The following KLK13 variants were observed in gnomAD, a reference collection of about 807,000 sequenced individuals.
KLK13 encodes kallikrein-13.
In KLK13, 19 loss-of-function variants were observed where a neutral mutation model predicts 22.4. That is an observed-to-expected ratio of 0.85 (90% CI 0.59 to 1.24). KLK13 has a LOEUF of 1.24. KLK13 is among the 50% of genes most tolerant of loss of function. The pLI, the probability that KLK13 is intolerant of heterozygous loss-of-function variation, is 0.00. For missense variants in KLK13, 311 were observed against 347.9 expected, an observed-to-expected ratio of 0.89 and a Z score of 0.84; for synonymous variants, 156 against 141.8, an observed-to-expected ratio of 1.10 and a Z score of -0.71.
chr19:51,062,049 G>C (rs950468447), intron 1 of KLK13, among the ~76,000 whole-genome samples: 3 of 152,128 alleles, frequency 2.0e-5, no homozygotes, highest in African/African-American at 7.2e-5. Context: ...GTAGCCACTA[G>C]CTACATGTGG....
rs147145797 is a variant in KLK13 at position 51,056,723 on chromosome 19, G to C, written c.698C>G (p.Ser233Cys). Residue 233 changes from serine to cysteine, a missense_variant, in exon 5 of 5, where the codon TCC becomes TGC. Ser to Cys is a moderately radical substitution (Grantham distance 112, BLOSUM62 -1). Transcript: ENST00000595793. ...VCNRTLYGIV[S>C]WGDFPCGQPD... The stretch of plus-strand genomic sequence containing the variant: ...TTGCCCACATGGGAAGTCTCCCCAG[G>C]AGACGATGCCATACAGTGTTCTGTT... 6.2e-7 allele frequency: 1 copy of C among 1,614,204 alleles called. No individual in the cohort carries two copies. The highest frequency in any genetic ancestry group is 1.1e-5 in the South Asian group (1 of 91,088).
At chr19:51,062,220 T>G (rs1057104303) in intron 1 of KLK13, among the ~76,000 whole-genome samples, 2 of 152,170 alleles carry the variant, frequency 1.3e-5, no homozygotes, top group African/African-American at 4.8e-5. Flanking sequence ...TATGGAATAT[T>G]CTACTGGATG....
At chr19:51,065,560 T>TC (rs1168681749), upstream of KLK13, among the ~76,000 whole-genome samples, 1 of 152,042 alleles carries the variant, frequency 6.6e-6, no homozygotes, top group Non-Finnish European at 1.5e-5. Context: ...CCTTCTGCTT[T>TC]CCCCATCCTT....
rs140466087 is a variant in KLK13, at chr19:51,060,338, C to T, written c.239+95G>A. On this transcript the variant is annotated intron_variant, in intron 2 of 4. Transcript: ENST00000595793. ...CTCACTCCCATGTCCATCCCCAACC[C>T]TAACTCCAACTCCATCCTCAAATCC... 7.9e-4 allele frequency: 1,057 copies of T among 1,344,130 alleles called. 2 individuals are homozygous for T. Among genetic ancestry groups the T allele is most frequent in the Middle Eastern group, 2.3e-3 (9 of 3,996 alleles). 83.3% of individuals were successfully genotyped at this position (1,344,130 alleles called of 1,614,324 possible).
chr19:51,065,226 C>A, upstream of KLK13: 3 of 521,262 alleles, frequency 5.8e-6, no homozygotes, highest in Non-Finnish European at 6.7e-6. Flanking sequence ...CTGGAATCTG[C>A]CCCCCGCCTC....
At chr19:51,063,300 T>C (rs1311819183) in intron 1 of KLK13, among the ~76,000 whole-genome samples, 1 of 152,220 alleles carries the variant, frequency 6.6e-6, no homozygotes, top group Non-Finnish European at 1.5e-5. Flanking sequence ...TTCCTTACCT[T>C]CTATTTATGA....
At chr19:51,063,952 A>G (rs562060173) in intron 1 of KLK13, 27 of 417,392 alleles carry the variant, frequency 6.5e-5, no homozygotes, top group African/African-American at 5.1e-4. Context: ...TGCTGAGAGC[A>G]GGGACTGTGT....
chr19:51,058,448 G>T, intron 4 of KLK13, 90 bp downstream of exon 4: 1 of 1,498,890 alleles, frequency 6.7e-7, no homozygotes, highest in Non-Finnish European at 9.2e-7. Context: ...GTTCCCCTAA[G>T]GCTGGAAACA....
At chr19:51,063,765 G>T in intron 1 of KLK13, 1 of 458,750 alleles carries the variant, frequency 2.2e-6, no homozygotes, top group East Asian at 6.8e-5. Flanking sequence ...TCCTTTTTCA[G>T]GTCTTGGCTC....
upstream of KLK13, chr19:51,065,140 G>T: frequency 9.0e-7 from 1 of 1,106,210 alleles, no homozygotes; most frequent in African/African-American, 1.6e-5. Context: ...TTGAGGGCGT[G>T]CCCGGAACCT....
rs1056728742 is a variant in KLK13 at position 51,056,581 on chromosome 19, C to T, written c.*6G>A. On this transcript the variant is annotated 3_prime_UTR_variant, in exon 5 of 5. Transcript: ENST00000595793. The stretch of plus-strand genomic sequence containing the variant: ...ACAGGATGGAAGCCGGTACATTTCT[C>T]AACTTTTATTGTGGGCCCTTCAACC... 22 of 1,613,844 alleles carry T rather than the reference C, an allele frequency of 1.4e-5. No homozygotes were observed. Among genetic ancestry groups the T allele is most frequent in the Non-Finnish European group, 1.8e-5 (21 of 1,179,890 alleles).
In KLK13 at chr19:51,060,584, T is replaced by G. The variant is rs1342124631; in HGVS notation, c.88A>C (p.Asn30His). ...CCTGGGAGAAACCCACTGGTCCCATTGGTGTTGAGAACCTTGGAAGACTCC... is the reference window on the plus strand; with the variant it reads ...CCTGGGAGAAACCCACTGGTCCCATGGGTGTTGAGAACCTTGGAAGACTCC... ...SQESSKVLNT[N>H]GTSGFLPGGY... The change falls in exon 2 of 5, where the codon AAT (asparagine) becomes CAT (histidine). Residue 30 changes from asparagine (N) to histidine (H), a missense_variant. Physicochemically the swap from Asn to His is moderately conservative, Grantham distance 68 (BLOSUM62 1). Coordinates refer to ENST00000595793, the MANE Select transcript of KLK13 (RefSeq NM_015596.3). 6.2e-7 allele frequency: 1 copy of G among 1,612,374 alleles called. No individual in the cohort carries two copies.
rs138999017 is a variant in KLK13 at position 51,056,054 on chromosome 19, G to C, written c.*533C>G. Among the ~76,000 whole-genome samples the C allele has an allele frequency of 6.6e-6, 1 of 152,248 alleles. No individual in the cohort carries two copies. Among genetic ancestry groups the C allele is most frequent in the East Asian group, 1.9e-4 (1 of 5,186 alleles). ...AATGTTAGCTGTGGTGAGTCACAGA[G>C]GTACACAGAATGTTGTCAGGGCAGA... On this transcript the variant is annotated 3_prime_UTR_variant, in exon 5 of 5. Transcript: ENST00000595793.
intron 1 of KLK13, chr19:51,064,539 TA>T: frequency 2.2e-6 from 1 of 449,290 alleles, no homozygotes; most frequent in South Asian, 1.6e-5. Flanking sequence ...TAATAACGGC[TA>T]AGTGGCTAAC....
intron 4 of KLK13, among the ~76,000 whole-genome samples, chr19:51,058,195 G>A (rs952692261): frequency 2.6e-5 from 4 of 152,146 alleles, no homozygotes; most frequent in African/African-American, 9.7e-5. Flanking sequence ...GGATCCATCT[G>A]TGCCTAAAGC....
Position 51,059,937 on chromosome 19 carries a change from G to A in KLK13, c.396C>T (p.Ser132=), listed in dbSNP as rs779245038. ...GGATGTAGCCTGTGAGCTGGACCGG[G>A]GACTGCAGCTCCAGAAGCATGATGT... is the stretch of plus-strand genomic sequence containing the variant. ...DHDIMLLELQ[S]PVQLTGYIQT... is the part of the protein sequence containing the mutation. Residue 132 remains serine (S), a synonymous_variant, in exon 3 of 5, where the codon TCC becomes TCT. Transcript: ENST00000595793. 6.2e-7 allele frequency: 1 copy of A among 1,612,402 alleles called. No homozygotes were observed. The highest frequency in any genetic ancestry group is 8.5e-7 in the Non-Finnish European group (1 of 1,179,112).
intron 4 of KLK13, among the ~76,000 whole-genome samples, chr19:51,058,047 AG>A (rs747878560): frequency 6.6e-5 from 10 of 152,324 alleles, no homozygotes; most frequent in Non-Finnish European, 1.5e-4. Context: ...GGTTGCCTAG[AG>A]GGTAGGATGT....
intron 1 of KLK13, among the ~76,000 whole-genome samples, chr19:51,064,264 G>T (rs886966704): frequency 6.6e-5 from 10 of 152,082 alleles, no homozygotes; most frequent in Admixed American, 5.9e-4. Flanking sequence ...GGCTGACGCG[G>T]GCTACTTGAA....
At chr19:51,061,953 C>A (rs1025013172) in intron 1 of KLK13, among the ~76,000 whole-genome samples, 1 of 152,056 alleles carries the variant, frequency 6.6e-6, no homozygotes, top group Admixed American at 6.6e-5. Flanking sequence ...TTTAAATCAT[C>A]TTGGATGCCC....
Sources: allele counts gnomAD v4.1 joint callset (sites outside exome capture counted in the v4.1 genomes callset), GRCh38; gene constraint gnomAD v4.1.1; transcripts MANE v1.5; gene names NCBI Gene and HGNC (gene_info 2026-07-23, HGNC 2026-07-21).